Variants in ASNSD1 observed in about 807,000 individuals in gnomAD.
The protein encoded by ASNSD1 is asparagine synthetase domain containing 1.
Under a neutral mutation model 48.3 loss-of-function variants are expected in ASNSD1, and 36 were observed. That is an observed-to-expected ratio of 0.75 (90% confidence interval 0.57 to 0.99). The LOEUF (loss-of-function observed/expected upper bound fraction) is 0.99. Ranked by LOEUF, ASNSD1 falls within the 50% of genes least tolerant of loss-of-function variation. The pLI is 0.00. For missense variants in ASNSD1, 714 were observed against 758.2 expected, an observed-to-expected ratio of 0.94 and a Z score of 0.69; for synonymous variants, 257 against 262.1, an observed-to-expected ratio of 0.98 and a Z score of 0.19.
rs117249934 is a variant in ASNSD1, at chr2:189,661,702, G to C, written c.-223+92G>C. ...GTCCGCAGCGGGCAGCGTGGGGCCT[G>C]CCTGGGCCTCGGCTTTGCCCTGCTA... On this transcript the variant is annotated intron_variant, in intron 1 of 5. Coordinates refer to ENST00000260952, the MANE Select transcript of ASNSD1 (RefSeq NM_019048.4). 388 of 398,924 alleles carry C rather than the reference G, an allele frequency of 9.7e-4. 7 individuals are homozygous for C. The East Asian group carries it at 0.013, about 13-fold the overall frequency. The allele number at this position is 398,924 out of a possible 1,614,324, so 24.7% of individuals were successfully genotyped here. A position where few individuals can be genotyped will look rare whatever the true frequency, so the allele number is the denominator to read the frequency against.
rs974787806 is a variant in ASNSD1 at position 189,666,788 on chromosome 2, C to T, written c.656C>T (p.Ser219Leu). 1 of 1,613,828 alleles carries T rather than the reference C, an allele frequency of 6.2e-7. No individual in the cohort carries two copies. The highest frequency in any genetic ancestry group is 1.3e-5 in the African/African-American group (1 of 74,910). Residue 219 changes from serine to leucine, a missense_variant, in exon 4 of 6, where the codon TCA becomes TTA. Ser to Leu is a moderately radical substitution (Grantham distance 145). Coordinates refer to ENST00000260952, the MANE Select transcript of ASNSD1 (RefSeq NM_019048.4). Reference sequence around the variant, plus strand: ...AATGTTAATAGCCTGAGTCAAATTTCAGCAGACTTACCAGCATTTGTATCA... The same window carrying T: ...AATGTTAATAGCCTGAGTCAAATTTTAGCAGACTTACCAGCATTTGTATCA... ...EENVNSLSQI[S>L]ADLPAFVSVV...
At chr2:189,662,661 G>A (rs1447441417) in intron 1 of ASNSD1, among the ~76,000 whole-genome samples, 1 of 152,164 alleles carries the variant, frequency 6.6e-6, no homozygotes, top group African/African-American at 2.4e-5. Context: ...AGGTGTGTGT[G>A]AGGTAGCACA....
chr2:189,670,803 A>G lies in ASNSD1; in HGVS notation c.*77A>G, dbSNP rs2032910466. The G allele has an allele frequency of 1.1e-5, 11 of 1,047,542 alleles. No individual in the cohort carries two copies. Among genetic ancestry groups the G allele is most frequent in the South Asian group, 2.8e-5 (1 of 36,182 alleles). 64.9% of individuals were successfully genotyped at this position (1,047,542 alleles called of 1,614,324 possible). A position where few individuals can be genotyped will look rare whatever the true frequency, so the allele number is the denominator to read the frequency against. On this transcript the variant is annotated 3_prime_UTR_variant, in exon 6 of 6. Transcript: ENST00000260952. ...AAGTAAGATACTCTGCTGCTTTACT[A>G]TTGTATAACATAGTAGTTTTAAAGT...
rs750666447 is a variant in ASNSD1, at chr2:189,666,115, A to G, written c.-18A>G. On this transcript the variant is annotated 5_prime_UTR_variant, in exon 4 of 6. Coordinates refer to ENST00000260952, the MANE Select transcript of ASNSD1 (RefSeq NM_019048.4). ...CAAGACCAAAATCAAGAAATAGTCAACCTGATTTCACATAACAATGTGTGG... is the reference window on the plus strand; with the variant it reads ...CAAGACCAAAATCAAGAAATAGTCAGCCTGATTTCACATAACAATGTGTGG... 10 of 1,511,622 alleles carry G rather than the reference A, an allele frequency of 6.6e-6. No homozygotes were observed. The African/African-American group carries it at 7.0e-5, about 11-fold the overall frequency. 93.6% of individuals were successfully genotyped at this position (1,511,622 alleles called of 1,614,324 possible).
At position 189,667,925 on chromosome 2, in the gene ASNSD1, T is replaced by C. The variant is rs778453090; in HGVS notation, c.1626T>C (p.Gly542=). 2.0e-5 allele frequency: 32 copies of C among 1,609,026 alleles called. No individual in the cohort carries two copies. The highest frequency in any genetic ancestry group is 2.7e-5 in the Non-Finnish European group (32 of 1,178,612). Residue 542 remains glycine, a synonymous_variant, in exon 5 of 6, where the codon GGT becomes GGC. Transcript: ENST00000260952. ...TTGGTCGTGATGACAGAGTTATTGG[T>C]GATCATGGAAAAGAAGCAAGGTAAT... ...RNLGRDDRVI[G]DHGKEARFPF... is the part of the protein sequence containing the mutation.
At chr2:189,664,685 G>A (rs1003314703) in intron 2 of ASNSD1, among the ~76,000 whole-genome samples, 5 of 151,888 alleles carry the variant, frequency 3.3e-5, no homozygotes, top group Non-Finnish European at 5.9e-5. Flanking sequence ...GGAGGCAGAG[G>A]TTGCAGTGAG....
intron 1 of ASNSD1, among the ~76,000 whole-genome samples, chr2:189,662,245 C>T (rs1204511001): frequency 6.6e-6 from 1 of 152,152 alleles, no homozygotes; most frequent in Non-Finnish European, 1.5e-5. Context: ...TAATATAAGC[C>T]TTAACTGCCA....
intron 5 of ASNSD1, among the ~76,000 whole-genome samples, chr2:189,669,173 C>T (rs999920632): frequency 1.3e-5 from 2 of 152,098 alleles, no homozygotes; most frequent in Non-Finnish European, 2.9e-5. Flanking sequence ...AGTTTCTGGT[C>T]CTAGCCCATG....
Position 189,668,015 on chromosome 2 carries a change from A to C in ASNSD1, c.1646+70A>C, listed in dbSNP as rs890370961. The C allele has an allele frequency of 2.4e-5, 34 of 1,441,534 alleles. No homozygotes were observed. In the East Asian group the frequency reaches 7.9e-4, roughly 33 times the overall value. The allele number at this position is 1,441,534 out of a possible 1,614,324, so 89.3% of individuals were successfully genotyped here. On this transcript the variant is annotated intron_variant, in intron 5 of 5. Coordinates refer to ENST00000260952, the MANE Select transcript of ASNSD1 (RefSeq NM_019048.4). ...CAGCAGAGTGTAAATGGAGACTTTAAAGTTTGTTTTCTCTTTGGAGACTGT... is the reference window on the plus strand; with the variant it reads ...CAGCAGAGTGTAAATGGAGACTTTACAGTTTGTTTTCTCTTTGGAGACTGT...
intron 2 of ASNSD1, among the ~76,000 whole-genome samples, chr2:189,664,810 A>G (rs952341918): frequency 1.7e-5 from 2 of 116,904 alleles, no homozygotes; most frequent in Admixed American, 2.0e-4. Flanking sequence ...CAAATTGGCA[A>G]AAAGTCTCAA....
At position 189,670,799 on chromosome 2, in the gene ASNSD1, T is replaced by C; in HGVS notation, c.*73T>C. On this transcript the variant is annotated 3_prime_UTR_variant, in exon 6 of 6. Coordinates refer to ENST00000260952, the MANE Select transcript of ASNSD1 (RefSeq NM_019048.4). ...ATAAAAGTAAGATACTCTGCTGCTTTACTATTGTATAACATAGTAGTTTTA... is the reference window on the plus strand; with the variant it reads ...ATAAAAGTAAGATACTCTGCTGCTTCACTATTGTATAACATAGTAGTTTTA... 2 of 1,071,476 alleles carry C rather than the reference T, an allele frequency of 1.9e-6. No homozygotes were observed. The highest frequency in any genetic ancestry group is 2.5e-6 in the Non-Finnish European group (2 of 799,518). 66.4% of individuals were successfully genotyped at this position (1,071,476 alleles called of 1,614,324 possible).
chr2:189,666,311 T>G lies in ASNSD1; in HGVS notation c.179T>G (p.Leu60Trp), dbSNP rs1270037426. ...CACGTCCTACACTTGAGGGGTGTTT[T>G]GACTACCCAGCCTGTGGAAGATGAA... ...SAHVLHLRGV[L>W]TTQPVEDERG... is the part of the protein sequence containing the mutation. The change falls in exon 4 of 6, where the codon TTG (leucine) becomes TGG (tryptophan). Residue 60 changes from leucine to tryptophan, a missense_variant. Physicochemically the swap from Leu to Trp is moderately conservative, Grantham distance 61 (BLOSUM62 -2). Coordinates refer to ENST00000260952, the MANE Select transcript of ASNSD1 (RefSeq NM_019048.4). 1 of 1,614,010 alleles carries G rather than the reference T, an allele frequency of 6.2e-7. No homozygotes were observed.
At chr2:189,665,273 T>C (rs899140721) in intron 2 of ASNSD1, 103 bp from the exon 3 acceptor site, 4 of 370,758 alleles carry the variant, frequency 1.1e-5, no homozygotes, top group Non-Finnish European at 1.9e-5. Context: ...GCTAAAGTAT[T>C]GTACTGAATA....
intron 1 of ASNSD1, among the ~76,000 whole-genome samples, chr2:189,662,295 G>T (rs1028338640): frequency 6.6e-6 from 1 of 152,174 alleles, no homozygotes; most frequent in Non-Finnish European, 1.5e-5. Flanking sequence ...GGTGGCGAGG[G>T]TTATAGCCCT....
chr2:189,666,475 G>C lies in ASNSD1; in HGVS notation c.343G>C (p.Val115Leu), dbSNP rs1462699937. Reference sequence around the variant, plus strand: ...TGAGATTTTGTCACTCTTCTCAGAAGTACAAGGTCCCTGGTCATTTATATA... The same window carrying C: ...TGAGATTTTGTCACTCTTCTCAGAACTACAAGGTCCCTGGTCATTTATATA... The part of the protein sequence containing the change: ...ESEILSLFSE[V>L]QGPWSFIYYQ... Residue 115 changes from valine (V) to leucine (L), a missense_variant, in exon 4 of 6, where the codon GTA becomes CTA. Physicochemically the swap from Val to Leu is conservative, Grantham distance 32. Coordinates refer to ENST00000260952, the MANE Select transcript of ASNSD1 (RefSeq NM_019048.4). 1 of 1,613,670 alleles carries C rather than the reference G, an allele frequency of 6.2e-7. No individual in the cohort carries two copies. Among genetic ancestry groups the C allele is most frequent in the Non-Finnish European group, 8.5e-7 (1 of 1,179,934 alleles).
At position 189,670,495 on chromosome 2, in the gene ASNSD1, G is replaced by T. The variant is rs1486583508; in HGVS notation, c.1701G>T (p.Trp567Cys). 2 of 1,612,930 alleles carry T rather than the reference G, an allele frequency of 1.2e-6. No homozygotes were observed. Reference protein sequence around the residue: ...VVSFLNSLPIWEKANLTLPRG... With the variant: ...VVSFLNSLPICEKANLTLPRG... ...CCTTTCTAAATTCTCTGCCGATTTG[G>T]GAAAAAGCAAACTTGACTTTACCCC... Residue 567 changes from tryptophan to cysteine, a missense_variant, in exon 6 of 6, where the codon TGG (tryptophan) becomes TGT (cysteine). Trp to Cys is a radical substitution (Grantham distance 215). Transcript: ENST00000260952.
At chr2:189,664,065 A>G (rs1036467827) in intron 2 of ASNSD1, 111 bp downstream of exon 2, 2 of 336,136 alleles carry the variant, frequency 5.9e-6, no homozygotes, top group Non-Finnish European at 1.1e-5. Flanking sequence ...AATAAAATGT[A>G]TAGTATTTCA....
At chr2:189,661,802 G>A (rs2032671315) in intron 1 of ASNSD1, among the ~76,000 whole-genome samples, 192 bp downstream of exon 1, 1 of 152,206 alleles carries the variant, frequency 6.6e-6, no homozygotes. Context: ...TGCGAAAAGG[G>A]AGATCTTGAA....
intron 5 of ASNSD1, among the ~76,000 whole-genome samples, chr2:189,669,375 A>C (rs2032876095): frequency 6.6e-6 from 1 of 152,242 alleles, no homozygotes. Context: ...AAAAGCCCTT[A>C]CTTATGAAAG....
Sources: allele counts gnomAD v4.1 joint callset (sites outside exome capture counted in the v4.1 genomes callset), GRCh38; gene constraint gnomAD v4.1.1; transcripts MANE v1.5; gene names NCBI Gene and HGNC (gene_info 2026-07-23, HGNC 2026-07-21).